Variants in DCC observed in about 807,000 individuals in gnomAD.
DCC encodes the protein netrin receptor DCC.
In DCC, 58 loss-of-function variants were observed where a neutral mutation model predicts 172.5. That is an observed-to-expected ratio of 0.34 (90% CI 0.27 to 0.42). The LOEUF is 0.42. DCC is among the 10% of genes least tolerant of loss of function. The probability of loss-of-function intolerance (pLI) is 1.00; values close to 1 mark genes in which losing one functional copy is unlikely to be tolerated. For synonymous variants in DCC, 709 were observed against 644.5 expected, an observed-to-expected ratio of 1.10 and a Z score of -1.52; for missense variants, 1,740 against 1,791.0, an observed-to-expected ratio of 0.97 and a Z score of 0.51.
At chr18:52,603,151 T>C (rs2034052668) in intron 1 of DCC, among the ~76,000 whole-genome samples, 1 of 151,954 alleles carries the variant, frequency 6.6e-6, no homozygotes, top group Non-Finnish European at 1.5e-5. Context: ...TTGATAAAAA[T>C]CTCTAGGGAT....
intron 14 of DCC, among the ~76,000 whole-genome samples, chr18:53,337,638 C>A (rs959942836): frequency 6.6e-6 from 1 of 152,092 alleles, no homozygotes. Context: ...CCACAAAGGG[C>A]CATCTTTGGG....
At chr18:53,515,735 C>T (rs901790320) in intron 27 of DCC, among the ~76,000 whole-genome samples, 10 of 151,702 alleles carry the variant, frequency 6.6e-5, no homozygotes, top group African/African-American at 2.2e-4. Flanking sequence ...AGGAATCCAA[C>T]TTACAAGGGA....
At chr18:52,864,972 TCTC>T (rs2039199039) in intron 2 of DCC, among the ~76,000 whole-genome samples, 1 of 152,054 alleles carries the variant, frequency 6.6e-6, no homozygotes, top group African/African-American at 2.4e-5. Context: ...TTCACGCCAT[TCTC>T]CTGCCTCAGC....
chr18:53,195,746 T>C (rs1243100521), intron 9 of DCC, among the ~76,000 whole-genome samples: 1 of 152,198 alleles, frequency 6.6e-6, no homozygotes, highest in Non-Finnish European at 1.5e-5. Flanking sequence ...TTCTTAATTG[T>C]TCTTCAAGAA....
intron 2 of DCC, among the ~76,000 whole-genome samples, chr18:52,790,356 C>T (rs1056358108): frequency 6.6e-6 from 1 of 152,090 alleles, no homozygotes; most frequent in African/African-American, 2.4e-5. Context: ...CCTCACAAAT[C>T]CCTTTTCATT....
chr18:52,638,704 T>C (rs1431817843), intron 1 of DCC, among the ~76,000 whole-genome samples: 5 of 151,962 alleles, frequency 3.3e-5, no homozygotes, highest in Non-Finnish European at 7.4e-5. Context: ...GTTTTAGTAA[T>C]GAGATAGACA....
Position 52,610,172 on chromosome 18 carries a change from AAAAAAAATATATATATATAT to A in DCC, c.92-141880_92-141861del, listed in dbSNP as rs1461843639. 1.2e-3 allele frequency among the ~76,000 whole-genome samples: 22 copies of A among 18,814 alleles called. 2 individuals carry two copies. Among genetic ancestry groups the A allele is most frequent in the African/African-American group, 4.6e-3 (20 of 4,374 alleles). 12.3% of individuals were successfully genotyped at this position (18,814 alleles called of 152,430 possible). A position where few individuals can be genotyped will look rare whatever the true frequency, so the allele number is the denominator to read the frequency against. On this transcript the variant is annotated intron_variant, in intron 1 of 28. Coordinates refer to ENST00000442544, the MANE Select transcript of DCC (RefSeq NM_005215.4). ...CTCATAAAAAAAAAAAAAAAAAAAA[AAAAAAAATATATATATATAT>A]ATATATATATATATATATATATATA... is the stretch of plus-strand genomic sequence containing the variant.
chr18:52,531,458 T>A (rs1392750218), intron 1 of DCC, among the ~76,000 whole-genome samples: 4 of 152,186 alleles, frequency 2.6e-5, no homozygotes, highest in East Asian at 1.9e-4. Flanking sequence ...TAAATATATT[T>A]GAAAGTAAGG....
chr18:53,316,072 T>C (rs112301477), intron 13 of DCC, among the ~76,000 whole-genome samples: 2 of 152,200 alleles, frequency 1.3e-5, no homozygotes, highest in African/African-American at 4.8e-5. Context: ...TCTTCTAGGG[T>C]TTTTATGGTT....
chr18:52,933,317 C>G (rs2040335148), intron 5 of DCC, among the ~76,000 whole-genome samples: 1 of 151,680 alleles, frequency 6.6e-6, no homozygotes, highest in Non-Finnish European at 1.5e-5. Flanking sequence ...AGACAAGAAG[C>G]AGGCAATTGC....
At chr18:53,002,208 T>C (rs956225325) in intron 5 of DCC, among the ~76,000 whole-genome samples, 1 of 152,080 alleles carries the variant, frequency 6.6e-6, no homozygotes, top group African/African-American at 2.4e-5. Flanking sequence ...CAAAAAGTTT[T>C]CTGGGCAGTG....
intron 1 of DCC, among the ~76,000 whole-genome samples, chr18:52,458,362 C>T (rs975582968): frequency 6.6e-6 from 1 of 152,064 alleles, no homozygotes; most frequent in Non-Finnish European, 1.5e-5. Flanking sequence ...GACTCATTGT[C>T]CCCCCCTGAC....
intron 14 of DCC, among the ~76,000 whole-genome samples, chr18:53,333,663 G>A (rs1197391438): frequency 1.3e-5 from 2 of 152,170 alleles, no homozygotes; most frequent in African/African-American, 2.4e-5. Flanking sequence ...ATCATTTATG[G>A]CCTTTTAGGC....
At chr18:53,391,586 T>G in intron 16 of DCC, 69 bp from the exon 17 acceptor site, 1 of 989,754 alleles carries the variant, frequency 1.0e-6, no homozygotes, top group Non-Finnish European at 1.6e-6. Context: ...TTACCACTGA[T>G]ATTTATTTTT....
chr18:52,889,634 T>TACA (rs1436246727), intron 2 of DCC, among the ~76,000 whole-genome samples: 1 of 152,172 alleles, frequency 6.6e-6, no homozygotes, highest in Non-Finnish European at 1.5e-5. Flanking sequence ...GAGTGTACTG[T>TACA]AAATCTTGTT....
At chr18:53,089,204 G>T (rs2042965777) in intron 7 of DCC, among the ~76,000 whole-genome samples, 1 of 152,070 alleles carries the variant, frequency 6.6e-6, no homozygotes, top group African/African-American at 2.4e-5. Flanking sequence ...TCCTGCCTCA[G>T]CCTACCAAGC....
chr18:52,638,537 C>G (rs1454180098), intron 1 of DCC, among the ~76,000 whole-genome samples: 5 of 152,062 alleles, frequency 3.3e-5, no homozygotes. Flanking sequence ...ATTTTTATAT[C>G]AGACAAAACA....
intron 1 of DCC, among the ~76,000 whole-genome samples, chr18:52,726,240 A>C (rs554919888): frequency 6.6e-6 from 1 of 152,204 alleles, no homozygotes; most frequent in Non-Finnish European, 1.5e-5. Context: ...AATGGCAGAG[A>C]TCAGGTTCAA....
chr18:53,384,996 G>A (rs1213026965), intron 15 of DCC, among the ~76,000 whole-genome samples: 7 of 148,760 alleles, frequency 4.7e-5, no homozygotes, highest in Non-Finnish European at 8.9e-5. Context: ...TCGGGCACCC[G>A]CCACAGTGCC....
Sources: gnomAD v4.1 joint callset for allele counts (sites outside exome capture counted in the v4.1 genomes callset) on GRCh38, gnomAD v4.1.1 for gene constraint, MANE v1.5 for transcripts, NCBI Gene and HGNC (gene_info 2026-07-23, HGNC 2026-07-21) for gene names.